RTTN: variants seen among roughly 807,000 people sequenced by gnomAD.
The protein encoded by RTTN is rotatin.
RTTN carries 182 observed loss-of-function variants against 269.2 expected under a neutral mutation model. The ratio of observed to expected loss-of-function variants is 0.68; its 90% CI spans 0.60 to 0.76. RTTN has a LOEUF of 0.76. RTTN is among the 30% of genes least tolerant of loss of function. The pLI, the probability that RTTN is intolerant of heterozygous loss-of-function variation, is 0.00. For missense variants in RTTN, 2,545 were observed against 2,608.6 expected (o/e 0.98, Z 0.53); for synonymous variants, 1,006 against 963.5 (o/e 1.04, Z -0.82).
At chr18:70,117,757 T>C (rs1000175706) in intron 26 of RTTN, among the ~76,000 whole-genome samples, 2 of 151,960 alleles carry the variant, frequency 1.3e-5, no homozygotes, top group Non-Finnish European at 2.9e-5. Flanking sequence ...TTAACAAATA[T>C]AACAAGACTG....
At chr18:70,019,646 A>T (rs1274874471) in intron 45 of RTTN, 3 of 152,192 alleles carry the variant, frequency 2.0e-5, no homozygotes, top group Non-Finnish European at 4.4e-5. Context: ...ACTGTGGCTG[A>T]TTTCAAAATA....
chr18:70,052,109 G>A (rs563303931), intron 38 of RTTN, among the ~76,000 whole-genome samples: 1 of 152,180 alleles, frequency 6.6e-6, no homozygotes, highest in Admixed American at 6.5e-5. Flanking sequence ...GCAATTCTAG[G>A]ATGAGGACCC....
chr18:70,019,813 A>C (rs1181346456), intron 45 of RTTN: 1 of 152,168 alleles, frequency 6.6e-6, no homozygotes, highest in Non-Finnish European at 1.5e-5. Context: ...CTTTCTATTT[A>C]TGTGGTGATA....
chr18:70,043,209 G>C (rs983809333), intron 40 of RTTN, among the ~76,000 whole-genome samples: 1 of 152,330 alleles, frequency 6.6e-6, no homozygotes, highest in African/African-American at 2.4e-5. Flanking sequence ...CATGGAGCTT[G>C]TAAGTGATAA....
chr18:70,060,048 A>C lies in RTTN; in HGVS notation c.4748-6T>G, dbSNP rs781615010. 3.1e-6 allele frequency: 5 copies of C among 1,598,448 alleles called. No individual in the cohort carries two copies. In the South Asian group the frequency reaches 5.6e-5, roughly 18 times the overall value. ...TGATGTACTTTCCTGGTGACCTATT[A>C]TTGAAAATAAACATAAGAATTATTA... On this transcript the variant is annotated splice_region_variant and splice_polypyrimidine_tract_variant and intron_variant, in intron 35 of 48. Coordinates refer to ENST00000640769, the MANE Select transcript of RTTN (RefSeq NM_173630.4).
At chr18:70,167,703 CAAA>C (rs34745283) in intron 12 of RTTN, among the ~76,000 whole-genome samples, 2 of 88,750 alleles carry the variant, frequency 2.3e-5, no homozygotes, top group African/African-American at 8.2e-5. Flanking sequence ...GATTTCGTCT[CAAA>C]AAAAAAAAAA....
chr18:70,100,788 G>A (rs1038927355), intron 28 of RTTN, among the ~76,000 whole-genome samples: 2 of 152,066 alleles, frequency 1.3e-5, no homozygotes, highest in African/African-American at 4.8e-5. Flanking sequence ...TAGCATGAAG[G>A]GCTGTTGAAT....
At chr18:70,102,860 G>A (rs1283022374) in intron 28 of RTTN, among the ~76,000 whole-genome samples, 3 of 152,224 alleles carry the variant, frequency 2.0e-5, no homozygotes, top group African/African-American at 4.8e-5. Flanking sequence ...GAAATTCTGG[G>A]TTGAAAATTC....
chr18:70,125,582 G>A (rs1325706664), intron 25 of RTTN, among the ~76,000 whole-genome samples: 1 of 151,846 alleles, frequency 6.6e-6, no homozygotes, highest in Non-Finnish European at 1.5e-5. Flanking sequence ...ATTCACACAG[G>A]TATGAACATG....
At chr18:70,104,923 C>T (rs957437162) in intron 28 of RTTN, among the ~76,000 whole-genome samples, 11 of 152,314 alleles carry the variant, frequency 7.2e-5, no homozygotes, top group African/African-American at 2.2e-4. Context: ...GAAGTGTCTC[C>T]CAGTTAGGCT....
chr18:70,086,836 G>A (rs2058714696), intron 31 of RTTN, 152 bp from the exon 32 acceptor site: 9 of 715,960 alleles, frequency 1.3e-5, no homozygotes, highest in Non-Finnish European at 2.0e-5. Flanking sequence ...AGGTCATTAT[G>A]AGAATTGTCA....
intron 40 of RTTN, among the ~76,000 whole-genome samples, chr18:70,044,765 C>T (rs908120418): frequency 3.9e-5 from 6 of 152,246 alleles, no homozygotes; most frequent in Non-Finnish European, 8.8e-5. Context: ...TGAATGGGCA[C>T]GTATCATATG....
chr18:70,031,463 T>C (rs929556896), intron 40 of RTTN: 3 of 397,788 alleles, frequency 7.5e-6, no homozygotes, highest in Admixed American at 8.8e-5. Flanking sequence ...TATGGTAACA[T>C]GCACCTGTCA....
chr18:70,011,349 T>C (rs963366909), intron 46 of RTTN, among the ~76,000 whole-genome samples: 3 of 152,218 alleles, frequency 2.0e-5, no homozygotes, highest in African/African-American at 7.2e-5. Flanking sequence ...AATAAAATAC[T>C]GGCAAACTGA....
intron 18 of RTTN, among the ~76,000 whole-genome samples, chr18:70,143,725 A>G (rs1253784448): frequency 6.6e-6 from 1 of 152,198 alleles, no homozygotes; most frequent in Non-Finnish European, 1.5e-5. Flanking sequence ...ACAAACCCGC[A>G]CAGGTACCCC....
At chr18:70,017,040 G>A (rs925716422) in intron 46 of RTTN, among the ~76,000 whole-genome samples, 11 of 152,092 alleles carry the variant, frequency 7.2e-5, no homozygotes, top group Non-Finnish European at 1.5e-4. Context: ...CATGGTTCCC[G>A]AGAGGCTTCA....
chr18:70,085,055 A>G (rs1568352073), intron 32 of RTTN, among the ~76,000 whole-genome samples: 1 of 152,220 alleles, frequency 6.6e-6, no homozygotes, highest in Admixed American at 6.5e-5. Flanking sequence ...CATTGGTAGT[A>G]CATCACCAAG....
At chr18:70,067,248 C>T (rs2058163431) in intron 34 of RTTN, among the ~76,000 whole-genome samples, 1 of 151,884 alleles carries the variant, frequency 6.6e-6, no homozygotes, top group Non-Finnish European at 1.5e-5. Context: ...CAAGCTCCGC[C>T]TCCCGGGTTC....
At chr18:70,025,644 C>A (rs1459102387) in intron 43 of RTTN, among the ~76,000 whole-genome samples, 1 of 152,238 alleles carries the variant, frequency 6.6e-6, no homozygotes, top group Admixed American at 6.5e-5. Context: ...CCCTTGTTCA[C>A]CACTCTCTGT....
Sources: allele counts gnomAD v4.1 joint callset (sites outside exome capture counted in the v4.1 genomes callset), GRCh38; gene constraint gnomAD v4.1.1; transcripts MANE v1.5; gene names NCBI Gene and HGNC (gene_info 2026-07-23, HGNC 2026-07-21).